The following SLIT2 variants were observed in gnomAD, a reference collection of about 807,000 sequenced individuals.
SLIT2 encodes the protein slit homolog 2 protein.
A neutral mutation model predicts 185.7 loss-of-function variants in SLIT2; 41 were observed. The ratio of observed to expected loss-of-function variants is 0.22; its 90% CI spans 0.17 to 0.29. SLIT2 has a LOEUF of 0.29. Among genes scored for constraint, SLIT2 ranks in the 10% least tolerant of loss-of-function variants. The probability of loss-of-function intolerance (pLI) is 1.00; values close to 1 mark genes in which losing one functional copy is unlikely to be tolerated. For missense variants in SLIT2, 1,571 were observed against 1,909.0 expected (o/e 0.82, Z 3.30); for synonymous variants, 693 against 680.2 (o/e 1.02, Z -0.29).
chr4:20,376,427 G>A (rs1222883539), intron 4 of SLIT2, among the ~76,000 whole-genome samples: 1 of 151,952 alleles, frequency 6.6e-6, no homozygotes, highest in Admixed American at 6.6e-5. Flanking sequence ...TAATTCCATT[G>A]TAGAAAGCAT....
chr4:20,495,445 G>T (rs1397193350), intron 9 of SLIT2, among the ~76,000 whole-genome samples: 1 of 152,172 alleles, frequency 6.6e-6, no homozygotes, highest in Non-Finnish European at 1.5e-5. Context: ...TTGATAAAAG[G>T]AGAAGAGTAA....
At chr4:20,334,769 C>A (rs1321631076) in intron 4 of SLIT2, among the ~76,000 whole-genome samples, 1 of 152,104 alleles carries the variant, frequency 6.6e-6, no homozygotes, top group Non-Finnish European at 1.5e-5. Flanking sequence ...ATCCTTGTTA[C>A]ACTTATTACT....
intron 5 of SLIT2, among the ~76,000 whole-genome samples, chr4:20,475,842 A>T (rs1313645892): frequency 6.6e-6 from 1 of 152,128 alleles, no homozygotes; most frequent in African/African-American, 2.4e-5. Flanking sequence ...TACTACTGCT[A>T]TCTGTTGCTT....
At chr4:20,463,447 T>TGATAGATA (rs1247809897) in intron 4 of SLIT2, among the ~76,000 whole-genome samples, 44 of 58,384 alleles carry the variant, frequency 7.5e-4, no homozygotes, top group African/African-American at 2.8e-3. Context: ...CCTCAAACTG[T>TGATAGATA]GATATATATA....
At chr4:20,387,361 A>C (rs908106347) in intron 4 of SLIT2, among the ~76,000 whole-genome samples, 1 of 152,144 alleles carries the variant, frequency 6.6e-6, no homozygotes, top group Non-Finnish European at 1.5e-5. Flanking sequence ...CCCATTCCAC[A>C]TCAATGTCAG....
intron 34 of SLIT2, 104 bp from the exon 35 acceptor site, chr4:20,616,806 C>T: frequency 3.2e-6 from 4 of 1,268,348 alleles, no homozygotes; most frequent in Non-Finnish European, 4.4e-6. Flanking sequence ...AAATATCCTG[C>T]CATAATAGGT....
intron 4 of SLIT2, among the ~76,000 whole-genome samples, chr4:20,352,026 A>C (rs1721920633): frequency 6.6e-6 from 1 of 152,202 alleles, no homozygotes; most frequent in Non-Finnish European, 1.5e-5. Flanking sequence ...TTACAGAGCG[A>C]GAATGACATT....
chr4:20,525,396 CT>C (rs1431070608), intron 15 of SLIT2, among the ~76,000 whole-genome samples: 2 of 152,020 alleles, frequency 1.3e-5, no homozygotes, highest in Admixed American at 1.3e-4. Context: ...TCTTCTCTTT[CT>C]TTTACTTTGG....
At chr4:20,420,757 G>T (rs1577623533) in intron 4 of SLIT2, among the ~76,000 whole-genome samples, 1 of 152,056 alleles carries the variant, frequency 6.6e-6, no homozygotes, top group Non-Finnish European at 1.5e-5. Context: ...TTAGAGGGGG[G>T]TACTTGGGAG....
chr4:20,619,167 A>T lies in SLIT2; in HGVS notation c.*158A>T. ...ATAAAGACTTTTTTTCTGCATTTGG[A>T]AAAAAAAAAAAAGAAATGCTTGAAC... On this transcript the variant is annotated 3_prime_UTR_variant, in exon 37 of 37. Transcript: ENST00000504154. 1 of 242,012 alleles carries T rather than the reference A, an allele frequency of 4.1e-6. No homozygotes were observed. The allele number at this position is 242,012 out of a possible 1,614,324, so 15.0% of individuals were successfully genotyped here.
At chr4:20,573,208 G>T in intron 29 of SLIT2, 1 of 702,878 alleles carries the variant, frequency 1.4e-6, no homozygotes, top group Non-Finnish European at 2.6e-6. Context: ...AAAGTCTTTT[G>T]TCTCTTCTGT....
At chr4:20,300,369 A>G (rs576910426) in intron 4 of SLIT2, among the ~76,000 whole-genome samples, 2 of 152,272 alleles carry the variant, frequency 1.3e-5, no homozygotes, top group South Asian at 4.1e-4. Context: ...AAGACATTCT[A>G]AGATTACAAA....
chr4:20,443,622 A>G (rs936362513), intron 4 of SLIT2, among the ~76,000 whole-genome samples: 4 of 150,174 alleles, frequency 2.7e-5, no homozygotes, highest in African/African-American at 9.8e-5. Context: ...GTAATTTGGA[A>G]CTAGACCAGG....
intron 3 of SLIT2, among the ~76,000 whole-genome samples, chr4:20,260,891 CT>C (rs1031735437): frequency 6.6e-5 from 10 of 151,690 alleles, no homozygotes; most frequent in African/African-American, 2.4e-4. Context: ...TCACCTCCTT[CT>C]TTTTTTCTTC....
intron 8 of SLIT2, 54 bp from the exon 9 acceptor site, chr4:20,491,707 C>A: frequency 6.6e-7 from 1 of 1,514,534 alleles, no homozygotes; most frequent in South Asian, 1.2e-5. Flanking sequence ...TTGTCTGTTT[C>A]ACAATTATGA....
chr4:20,561,072 G>A (rs1252658395), intron 26 of SLIT2, among the ~76,000 whole-genome samples: 1 of 151,824 alleles, frequency 6.6e-6, no homozygotes, highest in Non-Finnish European at 1.5e-5. Flanking sequence ...GGTCCAAGAG[G>A]CCAACAGGAA....
chr4:20,536,590 T>G (rs1410306693), intron 18 of SLIT2, among the ~76,000 whole-genome samples: 1 of 148,510 alleles, frequency 6.7e-6, no homozygotes, highest in East Asian at 2.0e-4. Context: ...CAAAAACCAC[T>G]GTACAACTGT....
At chr4:20,510,396 G>A (rs1719599572) in intron 9 of SLIT2, 99 bp from the exon 10 acceptor site, 2 of 797,148 alleles carry the variant, frequency 2.5e-6, no homozygotes, top group Non-Finnish European at 4.4e-6. Flanking sequence ...CACTCATGAA[G>A]AACATCAACT....
intron 29 of SLIT2, among the ~76,000 whole-genome samples, chr4:20,581,236 C>T (rs1007624852): frequency 1.3e-5 from 2 of 152,178 alleles, no homozygotes; most frequent in South Asian, 2.1e-4. Context: ...ATCATCTTCC[C>T]TCTATGCCTG....
Sources: allele counts gnomAD v4.1 joint callset (sites outside exome capture counted in the v4.1 genomes callset), GRCh38; gene constraint gnomAD v4.1.1; transcripts MANE v1.5; gene names NCBI Gene and HGNC (gene_info 2026-07-23, HGNC 2026-07-21).